RAPGEF6: variants seen among roughly 807,000 people sequenced by gnomAD.
The protein encoded by RAPGEF6 is Rap guanine nucleotide exchange factor 6.
A neutral mutation model predicts 171.4 loss-of-function variants in RAPGEF6; 56 were observed. That is an observed-to-expected ratio of 0.33 (90% confidence interval 0.26 to 0.41). The LOEUF (loss-of-function observed/expected upper bound fraction) is 0.41, where lower values mean the gene tolerates loss of function less well. Ranked by LOEUF, RAPGEF6 falls within the 10% of genes least tolerant of loss-of-function variation. The pLI is 1.00. For missense variants in RAPGEF6, 1,674 were observed against 1,921.4 expected, an observed-to-expected ratio of 0.87 and a Z score of 2.41; for synonymous variants, 692 against 650.1, an observed-to-expected ratio of 1.06 and a Z score of -0.98.
At chr5:131,477,927 TC>T (rs1459680549) in intron 16 of RAPGEF6, among the ~76,000 whole-genome samples, 3 of 152,126 alleles carry the variant, frequency 2.0e-5, no homozygotes, top group Non-Finnish European at 4.4e-5. Flanking sequence ...CTTCCAGTCA[TC>T]CCCAACCATC....
chr5:131,517,185 G>A (rs1758144287), intron 7 of RAPGEF6, among the ~76,000 whole-genome samples: 1 of 152,130 alleles, frequency 6.6e-6, no homozygotes, highest in African/African-American at 2.4e-5. Context: ...TCTGGGTGAT[G>A]GGATCATTCG....
rs1754440219 is a variant in RAPGEF6 at position 131,467,494 on chromosome 5, T to C, written c.2240-3213A>G. The stretch of plus-strand genomic sequence containing the variant: ...AAACCTCTATTTTAGAATTATTACG[T>C]ATATATTACATACTATTCTTTACAA... On this transcript the variant is annotated intron_variant, in intron 17 of 27. Coordinates refer to ENST00000509018, the MANE Select transcript of RAPGEF6 (RefSeq NM_016340.6). Among the ~76,000 whole-genome samples, 3 of 152,242 alleles carry C rather than the reference T, an allele frequency of 2.0e-5. No homozygotes were observed. In the South Asian group the frequency reaches 6.2e-4, roughly 32 times the overall value.
intron 7 of RAPGEF6, 108 bp from the exon 8 acceptor site, chr5:131,510,599 C>A (rs956944947): frequency 3.0e-5 from 30 of 993,748 alleles, no homozygotes; most frequent in Non-Finnish European, 4.3e-5. Flanking sequence ...AAGACTTGGG[C>A]AACGCTGGAT....
At chr5:131,625,688 C>T (rs1186369181) in intron 1 of RAPGEF6, among the ~76,000 whole-genome samples, 1 of 151,982 alleles carries the variant, frequency 6.6e-6, no homozygotes, top group Non-Finnish European at 1.5e-5. Flanking sequence ...TGGTGGCGAG[C>T]GGCAGTAGTC....
At chr5:131,491,739 A>ATGACCTG (rs1387868499) in intron 14 of RAPGEF6, among the ~76,000 whole-genome samples, 1 of 152,194 alleles carries the variant, frequency 6.6e-6, no homozygotes, top group Admixed American at 6.5e-5. Context: ...TTAATGTCTG[A>ATGACCTG]ATGCCTGATG....
chr5:131,615,316 G>A (rs962043267), intron 1 of RAPGEF6, among the ~76,000 whole-genome samples: 5 of 152,158 alleles, frequency 3.3e-5, no homozygotes, highest in Admixed American at 2.6e-4. Flanking sequence ...CATATGATGT[G>A]GGGGTTATGG....
rs149923781 is a variant in RAPGEF6, at chr5:131,470,077, G to C, written c.2239+2510C>G. On this transcript the variant is annotated intron_variant, in intron 17 of 27. Coordinates refer to ENST00000509018, the MANE Select transcript of RAPGEF6 (RefSeq NM_016340.6). ...AGAAGCTGAATTTGGAATTAACTGG[G>C]AATTGATGTTTTTTTCAATCCAAAT... 1.6e-3 allele frequency among the ~76,000 whole-genome samples: 250 copies of C among 152,074 alleles called. 2 individuals carry two copies. The highest frequency in any genetic ancestry group is 5.8e-3 in the African/African-American group (241 of 41,482).
chr5:131,527,446 A>G (rs1193537263), intron 6 of RAPGEF6, among the ~76,000 whole-genome samples: 1 of 152,222 alleles, frequency 6.6e-6, no homozygotes, highest in East Asian at 1.9e-4. Flanking sequence ...GGAAAACAAT[A>G]TTCTCATAAA....
chr5:131,582,058 T>C (rs1253374969), intron 4 of RAPGEF6, among the ~76,000 whole-genome samples: 1 of 152,256 alleles, frequency 6.6e-6, no homozygotes, highest in East Asian at 1.9e-4. Flanking sequence ...GAACCAATGA[T>C]AATCCCACCA....
chr5:131,544,993 C>T (rs1289399285), intron 6 of RAPGEF6, among the ~76,000 whole-genome samples: 8 of 151,984 alleles, frequency 5.3e-5, no homozygotes, highest in African/African-American at 4.8e-5. Context: ...AAACTGTGCA[C>T]TTTAAATATG....
intron 1 of RAPGEF6, among the ~76,000 whole-genome samples, chr5:131,623,263 A>C (rs573855882): frequency 1.3e-5 from 2 of 152,308 alleles, no homozygotes; most frequent in African/African-American, 4.8e-5. Flanking sequence ...CTTTCTTTCA[A>C]GATATTACTA....
At chr5:131,431,488 A>C in intron 25 of RAPGEF6, 139 bp from the exon 26 acceptor site, 2 of 877,970 alleles carry the variant, frequency 2.3e-6, no homozygotes, top group Non-Finnish European at 3.4e-6. Flanking sequence ...GAGGAAAACA[A>C]TATTATCATC....
intron 7 of RAPGEF6, among the ~76,000 whole-genome samples, chr5:131,521,054 C>T (rs1758441813): frequency 6.6e-6 from 1 of 152,120 alleles, no homozygotes; most frequent in African/African-American, 2.4e-5. Flanking sequence ...TCAATTATAA[C>T]AAAAATCAGC....
intron 14 of RAPGEF6, among the ~76,000 whole-genome samples, chr5:131,491,352 TATGA>T (rs1404906699): frequency 6.6e-6 from 1 of 152,186 alleles, no homozygotes; most frequent in African/African-American, 2.4e-5. Flanking sequence ...CCTTTCATAA[TATGA>T]ATGAGCTCAT....
intron 7 of RAPGEF6, 54 bp downstream of exon 7, chr5:131,521,336 T>C (rs1339894210): frequency 1.3e-6 from 2 of 1,482,192 alleles, no homozygotes; most frequent in Admixed American, 2.2e-5. Context: ...AATCACAGAA[T>C]ATCTGGCAAA....
Position 131,455,841 on chromosome 5 carries a change from G to C in RAPGEF6, c.3036C>G (p.Leu1012=), listed in dbSNP as rs781660624. Residue 1012 remains leucine, a synonymous_variant, in exon 20 of 28, where the codon CTC becomes CTG. Transcript: ENST00000509018. ...TCATATCTTTCTTGACAACAGGGAA[G>C]AGTGGAATAATTGGAGGCTGCATAC... is the stretch of plus-strand genomic sequence containing the variant. ...SQSMQPPIIP[L]FPVVKKDMTF... is the part of the protein sequence containing the mutation. The C allele has an allele frequency of 6.2e-6, 10 of 1,613,710 alleles. No homozygotes were observed. In the South Asian group the frequency reaches 1.1e-4, roughly 18 times the overall value.
intron 1 of RAPGEF6, among the ~76,000 whole-genome samples, chr5:131,615,082 G>A (rs1436802988): frequency 1.3e-5 from 2 of 152,184 alleles, no homozygotes; most frequent in Non-Finnish European, 2.9e-5. Flanking sequence ...AGGTCCTACA[G>A]GTGATTCTTC....
At chr5:131,518,119 G>A (rs1468227263) in intron 7 of RAPGEF6, among the ~76,000 whole-genome samples, 1 of 151,542 alleles carries the variant, frequency 6.6e-6, no homozygotes, top group East Asian at 1.9e-4. Flanking sequence ...TTTACATTCT[G>A]TATCTACAAG....
At chr5:131,450,017 A>G in intron 21 of RAPGEF6, 1 of 1,542,068 alleles carries the variant, frequency 6.5e-7, no homozygotes. Context: ...TCATCTCTAC[A>G]CTTACCCCAG....
Sources: gnomAD v4.1 joint callset for allele counts (sites outside exome capture counted in the v4.1 genomes callset) on GRCh38, gnomAD v4.1.1 for gene constraint, MANE v1.5 for transcripts, NCBI Gene and HGNC (gene_info 2026-07-23, HGNC 2026-07-21) for gene names.